PPFIA2: variants seen among roughly 807,000 people sequenced by gnomAD.
The protein encoded by PPFIA2 is liprin-alpha-2.
In PPFIA2, 46 loss-of-function variants were observed where a neutral mutation model predicts 175.5. The ratio of observed to expected loss-of-function variants is 0.26; its 90% confidence interval spans 0.21 to 0.34. PPFIA2 has a LOEUF of 0.34. PPFIA2 is among the 10% of genes least tolerant of loss of function. The pLI, the probability that PPFIA2 is intolerant of heterozygous loss-of-function variation, is 1.00. For missense variants in PPFIA2, 1,179 were observed against 1,506.1 expected (o/e 0.78, Z 3.60); for synonymous variants, 568 against 511.4 (o/e 1.11, Z -1.49).
Position 81,524,745 on chromosome 12 carries a change from A to G in PPFIA2, c.304-66879T>C, listed in dbSNP as rs947018092. Reference sequence around the variant, plus strand: ...AATGCATTTTACATTTGAGAAGGACATGCCTTTTTGGGGGATGGGGCAGAA... The same window carrying G: ...AATGCATTTTACATTTGAGAAGGACGTGCCTTTTTGGGGGATGGGGCAGAA... On this transcript the variant is annotated intron_variant, in intron 4 of 32. Transcript: ENST00000549396. Among the ~76,000 whole-genome samples the G allele has an allele frequency of 2.0e-5, 3 of 152,330 alleles. No individual in the cohort carries two copies. The South Asian group carries it at 6.2e-4, about 32-fold the overall frequency.
chr12:81,523,836 C>CT (rs1268577035), intron 4 of PPFIA2, among the ~76,000 whole-genome samples: 2 of 152,160 alleles, frequency 1.3e-5, no homozygotes, highest in African/African-American at 4.8e-5. Flanking sequence ...CACAGTCTTG[C>CT]TTTTTTTACA....
chr12:81,742,592 A>G (rs915755807), intron 3 of PPFIA2, among the ~76,000 whole-genome samples: 2 of 152,238 alleles, frequency 1.3e-5, no homozygotes, highest in African/African-American at 2.4e-5. Context: ...ACGTTAGACA[A>G]TAAGTGTCTG....
intron 6 of PPFIA2, among the ~76,000 whole-genome samples, chr12:81,440,942 C>A (rs2050075879): frequency 6.6e-6 from 1 of 151,068 alleles, no homozygotes; most frequent in African/African-American, 2.4e-5. Flanking sequence ...AGATGCAATT[C>A]ATGGTGGGTT....
chr12:81,437,766 T>C (rs953872919), intron 7 of PPFIA2, among the ~76,000 whole-genome samples: 4 of 152,126 alleles, frequency 2.6e-5, no homozygotes, highest in African/African-American at 9.7e-5. Flanking sequence ...ATAATATGAA[T>C]ACACATTTTA....
intron 4 of PPFIA2, among the ~76,000 whole-genome samples, chr12:81,566,532 A>AGG (rs1239959558): frequency 0.019 from 1,163 of 61,722 alleles, 12 homozygotes; most frequent in African/African-American, 0.099. Flanking sequence ...CTCCAACTCA[A>AGG]AAAAAAAAAA....
intron 11 of PPFIA2, 32 bp downstream of exon 11, chr12:81,374,602 A>C (rs374109966): frequency 1.3e-6 from 2 of 1,572,730 alleles, no homozygotes; most frequent in Admixed American, 3.9e-5. Context: ...CTACAAATAT[A>C]TCTAGGTTGA....
intron 22 of PPFIA2, among the ~76,000 whole-genome samples, chr12:81,304,453 T>C (rs1251982013): frequency 6.6e-6 from 1 of 152,024 alleles, no homozygotes; most frequent in African/African-American, 2.4e-5. Context: ...ATAAACAAAA[T>C]AAGTTGAGCC....
chr12:81,343,985 T>C (rs1036554978), intron 19 of PPFIA2, among the ~76,000 whole-genome samples: 2 of 152,002 alleles, frequency 1.3e-5, no homozygotes, highest in Non-Finnish European at 2.9e-5. Flanking sequence ...TGGCTCTTAC[T>C]CTCCAAGAGG....
intron 4 of PPFIA2, among the ~76,000 whole-genome samples, chr12:81,596,479 G>A (rs1278312561): frequency 6.6e-6 from 1 of 152,026 alleles, no homozygotes; most frequent in Non-Finnish European, 1.5e-5. Context: ...ACAAGAATAT[G>A]TTATTATCGA....
At chr12:81,382,930 G>T (rs373194929) in intron 9 of PPFIA2, among the ~76,000 whole-genome samples, 1 of 152,162 alleles carries the variant, frequency 6.6e-6, no homozygotes, top group East Asian at 1.9e-4. Flanking sequence ...TCGGGGAGGA[G>T]AAATAGAAGC....
chr12:81,517,469 G>A (rs915088557), intron 4 of PPFIA2, among the ~76,000 whole-genome samples: 1 of 152,138 alleles, frequency 6.6e-6, no homozygotes, highest in African/African-American at 2.4e-5. Context: ...GATCCTCAAA[G>A]TTGCTGACGA....
At chr12:81,622,575 A>G (rs902518311) in intron 4 of PPFIA2, among the ~76,000 whole-genome samples, 3 of 152,150 alleles carry the variant, frequency 2.0e-5, no homozygotes, top group African/African-American at 4.8e-5. Context: ...CACTGGAGCT[A>G]TCCTTGAAGC....
At chr12:81,743,695 C>G (rs1597129052) in intron 3 of PPFIA2, among the ~76,000 whole-genome samples, 1 of 151,980 alleles carries the variant, frequency 6.6e-6, no homozygotes, top group East Asian at 1.9e-4. Context: ...GGAACATGTA[C>G]AGTTCATCAC....
intron 4 of PPFIA2, among the ~76,000 whole-genome samples, chr12:81,568,425 G>A (rs917697223): frequency 6.6e-5 from 10 of 152,150 alleles, no homozygotes; most frequent in African/African-American, 2.4e-4. Flanking sequence ...AAGCCTGGTC[G>A]CCATTGCCAG....
At chr12:81,514,329 A>C (rs1026221932) in intron 4 of PPFIA2, among the ~76,000 whole-genome samples, 2 of 151,948 alleles carry the variant, frequency 1.3e-5, no homozygotes, top group African/African-American at 4.8e-5. Flanking sequence ...AAATTAATTT[A>C]AGTAATAAGT....
In PPFIA2 at chr12:81,392,789, T is replaced by C. The variant is rs200950221; in HGVS notation, c.763-8545A>G. Among the ~76,000 whole-genome samples the C allele has an allele frequency of 2.4e-4, 36 of 152,104 alleles. No individual in the cohort carries two copies. In the East Asian group the frequency reaches 5.4e-3, roughly 23 times the overall value. ...TCAGAACGTGCTTCTCCCCCAAATATGTTTTGCTTTAATTCATCCCCAACT... is the reference window on the plus strand; with the variant it reads ...TCAGAACGTGCTTCTCCCCCAAATACGTTTTGCTTTAATTCATCCCCAACT... On this transcript the variant is annotated intron_variant, in intron 8 of 32. Coordinates refer to ENST00000549396, the MANE Select transcript of PPFIA2 (RefSeq NM_003625.5).
chr12:81,564,769 G>A (rs1383131328), intron 4 of PPFIA2, among the ~76,000 whole-genome samples: 1 of 152,134 alleles, frequency 6.6e-6, no homozygotes, highest in African/African-American at 2.4e-5. Context: ...ACAAAGTGAT[G>A]AAAGAAAATG....
intron 3 of PPFIA2, among the ~76,000 whole-genome samples, chr12:81,684,704 AAAG>A (rs1415672523): frequency 2.6e-5 from 4 of 152,096 alleles, no homozygotes; most frequent in Non-Finnish European, 4.4e-5. Context: ...TGAATGCTTG[AAAG>A]AAGCTTTGAA....
At chr12:81,639,384 A>C (rs1380306527) in intron 4 of PPFIA2, among the ~76,000 whole-genome samples, 1 of 151,982 alleles carries the variant, frequency 6.6e-6, no homozygotes, top group Non-Finnish European at 1.5e-5. Flanking sequence ...TAGAACATTC[A>C]CTCCCAAGCC....
Sources: gnomAD v4.1 joint callset for allele counts (sites outside exome capture counted in the v4.1 genomes callset) on GRCh38, gnomAD v4.1.1 for gene constraint, MANE v1.5 for transcripts, NCBI Gene and HGNC (gene_info 2026-07-23, HGNC 2026-07-21) for gene names.